The following NPC1 variants were observed in gnomAD, a reference collection of about 807,000 sequenced individuals.
NPC1 encodes Niemann-Pick C1 protein.
In NPC1, 85 loss-of-function variants were observed where a neutral mutation model predicts 140.4. The observed-to-expected ratio is 0.61, with a 90% CI of 0.51 to 0.72. The LOEUF is 0.72. Among genes scored for constraint, NPC1 ranks in the 30% least tolerant of loss-of-function variants. The pLI is 0.00. For missense variants in NPC1, 1,504 were observed against 1,623.8 expected (o/e 0.93, Z 1.27); for synonymous variants, 656 against 624.8 (o/e 1.05, Z -0.74).
intron 3 of NPC1, among the ~76,000 whole-genome samples, chr18:23,511,195 A>G (rs2145156605): frequency 6.6e-6 from 1 of 152,342 alleles, no homozygotes; most frequent in South Asian, 2.1e-4. Flanking sequence ...ATGGAGCTGG[A>G]GGCCATCATC....
At chr18:23,578,775 C>T (rs1390585860) in intron 1 of NPC1, among the ~76,000 whole-genome samples, 1 of 152,254 alleles carries the variant, frequency 6.6e-6, no homozygotes, top group Non-Finnish European at 1.5e-5. Context: ...AATCTTTCCT[C>T]TATTTGTATT....
At chr18:23,517,928 G>A (rs918257892), downstream of NPC1, among the ~76,000 whole-genome samples, 1 of 152,118 alleles carries the variant, frequency 6.6e-6, no homozygotes, top group Non-Finnish European at 1.5e-5. Context: ...ATGTTGCCCA[G>A]GCTGGTCTTG....
chr18:23,527,685 C>A, downstream of NPC1: 6 of 791,672 alleles, frequency 7.6e-6, no homozygotes, highest in Non-Finnish European at 1.3e-5. Context: ...TTTAAAGGTA[C>A]TTTTGCATTG....
chr18:23,550,982 A>G (rs968132414), intron 10 of NPC1, among the ~76,000 whole-genome samples: 4 of 152,204 alleles, frequency 2.6e-5, no homozygotes, highest in Non-Finnish European at 1.5e-5. Flanking sequence ...CCCTGCCACC[A>G]AGTGAGGAGA....
intron 3 of NPC1, chr18:23,516,138 A>G: frequency 7.3e-7 from 1 of 1,367,380 alleles, no homozygotes; most frequent in East Asian, 2.3e-5. Context: ...CACTCTGTAT[A>G]CCCGTCAGCT....
At chr18:23,557,054 A>G in intron 7 of NPC1, 63 bp downstream of exon 7, 1 of 1,370,268 alleles carries the variant, frequency 7.3e-7, no homozygotes, top group African/African-American at 1.4e-5. Flanking sequence ...CACTGAGGAA[A>G]CGAATGCTCT....
chr18:23,508,464 C>G (rs1387380465), intron 3 of NPC1, among the ~76,000 whole-genome samples: 1 of 152,096 alleles, frequency 6.6e-6, no homozygotes, highest in Non-Finnish European at 1.5e-5. Flanking sequence ...TTGTCTTGTC[C>G]TTACTCTTTC....
In NPC1 at chr18:23,534,521, G is replaced by T; in HGVS notation, c.3516C>A (p.Thr1172=). The T allele has an allele frequency of 6.2e-7, 1 of 1,614,124 alleles. No individual in the cohort carries two copies. Among genetic ancestry groups the T allele is most frequent in the South Asian group, 1.1e-5 (1 of 91,074 alleles). Residue 1172 remains threonine, a synonymous_variant, in exon 23 of 25, where the codon ACC becomes ACA. Coordinates refer to ENST00000269228, the MANE Select transcript of NPC1 (RefSeq NM_000271.5). Reference sequence around the variant, plus strand: ...CTTTCATGCTCACCGTGAACGCTCTGGTTATGTGGCTGCAGAACTCCACGG... The same window carrying T: ...CTTTCATGCTCACCGTGAACGCTCTTGTTATGTGGCTGCAGAACTCCACGG... ...GISVEFCSHI[T]RAFTVSMKGS...
In NPC1 at chr18:23,544,989, C is replaced by T. The variant is rs2058768195; in HGVS notation, c.1918G>A (p.Gly640Arg). The T allele has an allele frequency of 7.1e-7, 1 of 1,410,694 alleles. No individual in the cohort carries two copies. The highest frequency in any genetic ancestry group is 9.7e-7 in the Non-Finnish European group (1 of 1,029,580). The allele number at this position is 1,410,694 out of a possible 1,614,324, so 87.4% of individuals were successfully genotyped here. ...AGCCTGCGACAGCTTTTCATGTGCCCCAAGGCTAGGGAAATATATAGAAAC... is the reference window on the plus strand; with the variant it reads ...AGCCTGCGACAGCTTTTCATGTGCCTCAAGGCTAGGGAAATATATAGAAAC... Reference protein sequence around the residue: ...IMFLYISLALGHMKSCRRLLV... With the variant: ...IMFLYISLALRHMKSCRRLLV... The change falls in exon 12 of 25, where the codon GGG (glycine) becomes AGG (arginine). Residue 640 changes from glycine (G) to arginine (R), a missense_variant. Gly to Arg is a moderately radical substitution (Grantham distance 125). Coordinates refer to ENST00000269228, the MANE Select transcript of NPC1 (RefSeq NM_000271.5).
intron 4 of NPC1, among the ~76,000 whole-genome samples, chr18:23,566,455 G>C (rs2510328): frequency 1.4e-4 from 22 of 151,986 alleles, no homozygotes; most frequent in African/African-American, 4.6e-4. Context: ...AAATAATAAT[G>C]CACTATAGGC....
At chr18:23,528,392 G>A (rs1030134598), downstream of NPC1, 3 of 154,154 alleles carry the variant, frequency 1.9e-5, no homozygotes, top group East Asian at 1.9e-4. Context: ...ATGGCTTATC[G>A]CCACCAATTC....
chr18:23,516,486 G>C, intron 3 of NPC1: 1 of 1,550,906 alleles, frequency 6.4e-7, no homozygotes, highest in Non-Finnish European at 8.9e-7. Flanking sequence ...ATAATAGAAG[G>C]AGTGTGTTAC....
chr18:23,541,372 G>T lies in NPC1; in HGVS notation c.2307C>A (p.Phe769Leu). ...TFSLFAGLAV[F>L]IDFLLQITCF... is the part of the protein sequence containing the mutation. ...AGGTAATCTGCAGAAGAAAGTCAAT[G>T]AAGACTGCCAATCCCGCAAAGAGAG... is the stretch of plus-strand genomic sequence containing the variant. The change falls in exon 15 of 25, where the codon TTC (phenylalanine) becomes TTA (leucine). Residue 769 changes from phenylalanine (F) to leucine (L), a missense_variant. Transcript: ENST00000269228. The T allele has an allele frequency of 6.2e-7, 1 of 1,614,226 alleles. No individual in the cohort carries two copies.
At chr18:23,571,166 T>C (rs940960097) in intron 3 of NPC1, among the ~76,000 whole-genome samples, 3 of 152,134 alleles carry the variant, frequency 2.0e-5, no homozygotes, top group African/African-American at 7.2e-5. Context: ...CTGGTAATTA[T>C]TGTTTTTCTC....
chr18:23,572,041 G>T, intron 3 of NPC1, 33 bp downstream of exon 3: 2 of 1,392,850 alleles, frequency 1.4e-6, no homozygotes, highest in Non-Finnish European at 2.0e-6. Context: ...AGTATCTACA[G>T]CCCAGTTGTT....
rs1377417776 is a variant in NPC1, at chr18:23,561,595, C to T, written c.464-68G>A. On this transcript the variant is annotated intron_variant, in intron 4 of 24. Coordinates refer to ENST00000269228, the MANE Select transcript of NPC1 (RefSeq NM_000271.5). ...CTGTAATTCACGAGGCAAGATCTTA[C>T]AAAAGGCCTCTTGAAGGGAAACACG... 3 of 1,517,582 alleles carry T rather than the reference C, an allele frequency of 2.0e-6. No individual in the cohort carries two copies. In the Admixed American group the frequency reaches 5.0e-5, roughly 25 times the overall value. The allele number at this position is 1,517,582 out of a possible 1,614,324, so 94.0% of individuals were successfully genotyped here. A position where few individuals can be genotyped will look rare whatever the true frequency, so the allele number is the denominator to read the frequency against.
chr18:23,515,699 A>C (rs2057983757), intron 3 of NPC1, among the ~76,000 whole-genome samples: 1 of 152,080 alleles, frequency 6.6e-6, no homozygotes, highest in Admixed American at 6.6e-5. Context: ...CGCCTGGCTA[A>C]TTTTTGTATT....
intron 4 of NPC1, among the ~76,000 whole-genome samples, chr18:23,567,545 C>T (rs1652348): frequency 0.58 from 88,377 of 152,008 alleles, 26,967 homozygotes; most frequent in East Asian, 0.92. Context: ...TCCTTACTAA[C>T]ATGTCTTTTG....
chr18:23,543,658 A>G, intron 13 of NPC1, 89 bp from the exon 14 acceptor site: 1 of 772,146 alleles, frequency 1.3e-6, no homozygotes, highest in Non-Finnish European at 2.2e-6. Flanking sequence ...TCAAGGGTAA[A>G]AATAAATGAT....
Sources: allele counts gnomAD v4.1 joint callset (sites outside exome capture counted in the v4.1 genomes callset), GRCh38; gene constraint gnomAD v4.1.1; transcripts MANE v1.5; gene names NCBI Gene and HGNC (gene_info 2026-07-23, HGNC 2026-07-21).